SENP2: variants seen among roughly 807,000 people sequenced by gnomAD.
SENP2 encodes the protein SUMO specific peptidase 2.
A neutral mutation model predicts 86.3 loss-of-function variants in SENP2; 16 were observed. That is an observed-to-expected ratio of 0.19 (90% CI 0.13 to 0.28). SENP2 has a LOEUF of 0.28. Ranked by LOEUF, SENP2 falls within the 10% of genes least tolerant of loss-of-function variation. The probability of loss-of-function intolerance (pLI) is 1.00; values close to 1 mark genes in which losing one functional copy is unlikely to be tolerated. For synonymous variants in SENP2, 222 were observed against 238.7 expected (o/e 0.93, Z 0.64); for missense variants, 552 against 703.0 (o/e 0.79, Z 2.43).
intron 2 of SENP2, among the ~76,000 whole-genome samples, chr3:185,593,691 G>C (rs1379697295): frequency 6.6e-6 from 1 of 151,396 alleles, no homozygotes; most frequent in Non-Finnish European, 1.5e-5. Flanking sequence ...TTTTTTAACA[G>C]GCCCAACTAG....
chr3:185,601,857 C>T (rs1044940537), intron 5 of SENP2, among the ~76,000 whole-genome samples: 2 of 152,012 alleles, frequency 1.3e-5, no homozygotes, highest in Non-Finnish European at 2.9e-5. Flanking sequence ...AGGCCAGTCT[C>T]AAACTCCTGA....
intron 12 of SENP2, among the ~76,000 whole-genome samples, chr3:185,618,893 A>T (rs1220153534): frequency 2.0e-5 from 3 of 152,190 alleles, no homozygotes; most frequent in Non-Finnish European, 4.4e-5. Context: ...AAAAAGTATC[A>T]CCACTCAGAG....
intron 6 of SENP2, among the ~76,000 whole-genome samples, chr3:185,607,159 T>G (rs1722541498): frequency 6.6e-6 from 1 of 151,830 alleles, no homozygotes; most frequent in Non-Finnish European, 1.5e-5. Flanking sequence ...CATACCTGGC[T>G]TCCACCACCA....
intron 14 of SENP2, among the ~76,000 whole-genome samples, chr3:185,622,817 CTTTTTTT>C (rs35711486): frequency 3.4e-5 from 3 of 89,344 alleles, no homozygotes; most frequent in Admixed American, 2.9e-4. Context: ...TACATTCATG[CTTTTTTT>C]TTTTTTTTTT....
chr3:185,613,244 A>G (rs909266503), intron 9 of SENP2, 101 bp from the exon 10 acceptor site: 6 of 763,310 alleles, frequency 7.9e-6, no homozygotes, highest in African/African-American at 1.8e-5. Flanking sequence ...AACTCAACAC[A>G]ATTTTTATGT....
At chr3:185,612,486 C>G in intron 8 of SENP2, 121 bp from the exon 9 acceptor site, 1 of 677,572 alleles carries the variant, frequency 1.5e-6, no homozygotes, top group Non-Finnish European at 2.6e-6. Context: ...CTTTGGAATT[C>G]ACTGTAGCAT....
At position 185,598,534 on chromosome 3, in the gene SENP2, C is replaced by T. The variant is rs757965541; in HGVS notation, c.280C>T (p.Pro94Ser). Residue 94 changes from proline to serine, a missense_variant, in exon 3 of 17, where the codon CCT (proline) becomes TCT (serine). By Grantham distance (74) the Pro-to-Ser change is moderately conservative (BLOSUM62 -1). Around this residue, in one of 2 missense-constraint regions of SENP2, gnomAD observed 383 missense variants for 427.3 expected, o/e 0.90. Coordinates refer to ENST00000296257, the MANE Select transcript of SENP2 (RefSeq NM_021627.3). ...TTGTAATGGAACACGGAATGTGGCC[C>T]CTTCAGGAGAGGTCAGTGGGGATGA... ...SACNGTRNVA[P>S]SGEVFSNSSS... 1 of 1,613,866 alleles carries T rather than the reference C, an allele frequency of 6.2e-7. No homozygotes were observed. Among genetic ancestry groups the T allele is most frequent in the Non-Finnish European group, 8.5e-7 (1 of 1,179,946 alleles).
chr3:185,613,551 C>T, intron 10 of SENP2, 143 bp downstream of exon 10: 1 of 509,638 alleles, frequency 2.0e-6, no homozygotes, highest in East Asian at 3.5e-5. Context: ...AGCAAGCCAG[C>T]CAGTCACAGT....
At chr3:185,622,458 G>A (rs1377655130) in intron 14 of SENP2, among the ~76,000 whole-genome samples, 2 of 152,180 alleles carry the variant, frequency 1.3e-5, no homozygotes, top group Non-Finnish European at 2.9e-5. Context: ...CTCACTAGAA[G>A]CAATGAAGTT....
At chr3:185,597,498 G>A (rs914260018) in intron 2 of SENP2, among the ~76,000 whole-genome samples, 3 of 150,930 alleles carry the variant, frequency 2.0e-5, no homozygotes, top group South Asian at 4.2e-4. Flanking sequence ...GACTATAGTC[G>A]TGCACCACCA....
At chr3:185,609,815 C>T (rs1053471766) in intron 7 of SENP2, among the ~76,000 whole-genome samples, 2 of 151,996 alleles carry the variant, frequency 1.3e-5, no homozygotes, top group African/African-American at 4.8e-5. Context: ...CACCCCTACC[C>T]CATGAGACAT....
rs1285745315 is a variant in SENP2, at chr3:185,631,264, C to G, written c.*1420C>G. On this transcript the variant is annotated 3_prime_UTR_variant, in exon 17 of 17. Coordinates refer to ENST00000296257, the MANE Select transcript of SENP2 (RefSeq NM_021627.3). Reference sequence around the variant, plus strand: ...TCCGGCTGCTGGTCCCAGAGGTATACTGGTTACAGCTATTGCAGCCAGTTC... The same window carrying G: ...TCCGGCTGCTGGTCCCAGAGGTATAGTGGTTACAGCTATTGCAGCCAGTTC... The G allele has an allele frequency of 6.6e-6, 1 of 152,010 alleles. No individual in the cohort carries two copies. Among genetic ancestry groups the G allele is most frequent in the African/African-American group, 2.4e-5 (1 of 41,376 alleles). The allele number at this position is 152,010 out of a possible 1,614,324, so 9.4% of individuals were successfully genotyped here. A position where few individuals can be genotyped will look rare whatever the true frequency, so the allele number is the denominator to read the frequency against.
intron 14 of SENP2, among the ~76,000 whole-genome samples, chr3:185,623,044 C>A (rs957466907): frequency 2.6e-5 from 4 of 151,900 alleles, no homozygotes; most frequent in African/African-American, 9.7e-5. Context: ...CTTGAACTCC[C>A]AACCTCAGGT....
intron 5 of SENP2, among the ~76,000 whole-genome samples, chr3:185,604,543 T>C (rs1034388390): frequency 2.0e-5 from 3 of 152,226 alleles, no homozygotes; most frequent in Admixed American, 2.0e-4. Flanking sequence ...ATTTCTCTAT[T>C]TCTCCTTCAG....
intron 1 of SENP2, among the ~76,000 whole-genome samples, chr3:185,587,213 A>G (rs559100893): frequency 1.2e-3 from 183 of 151,932 alleles, no homozygotes; most frequent in African/African-American, 4.2e-3. Context: ...GCTTACCGCA[A>G]CCTCCGCCTC....
intron 10 of SENP2, among the ~76,000 whole-genome samples, chr3:185,613,802 T>G (rs1711504851): frequency 7.6e-6 from 1 of 132,404 alleles, no homozygotes; most frequent in Non-Finnish European, 1.5e-5. Context: ...CACTCCAGCC[T>G]AGGTGACAGA....
intron 5 of SENP2, among the ~76,000 whole-genome samples, chr3:185,604,311 T>C (rs1246785472): frequency 6.6e-6 from 1 of 152,220 alleles, no homozygotes; most frequent in East Asian, 1.9e-4. Flanking sequence ...TGATTTCGTT[T>C]CTTTTAAGTT....
At chr3:185,616,020 G>T (rs942514377) in intron 11 of SENP2, among the ~76,000 whole-genome samples, 2 of 151,282 alleles carry the variant, frequency 1.3e-5, no homozygotes, top group African/African-American at 2.4e-5. Context: ...GTGCCACCAC[G>T]CCCAGCTAAT....
At chr3:185,629,404 C>G (rs1712309471) in intron 16 of SENP2, among the ~76,000 whole-genome samples, 1 of 152,124 alleles carries the variant, frequency 6.6e-6, no homozygotes, top group Admixed American at 6.6e-5. Context: ...TGGTGAAACC[C>G]TGTCTCTACT....
Sources: allele counts gnomAD v4.1 joint callset (sites outside exome capture counted in the v4.1 genomes callset), GRCh38; gene constraint gnomAD v4.1.1; regional missense constraint gnomAD v4.1.1; transcripts MANE v1.5; gene names NCBI Gene and HGNC (gene_info 2026-07-23, HGNC 2026-07-21).